ITPR2: variants seen among roughly 807,000 people sequenced by gnomAD.
The protein encoded by ITPR2 is inositol 1,4,5-trisphosphate receptor type 2, also known as inositol 1,4,5-trisphosphate-gated calcium channel ITPR2.
ITPR2 carries 207 observed loss-of-function variants against 317.1 expected under a neutral mutation model. The ratio of observed to expected loss-of-function variants is 0.65; its 90% confidence interval spans 0.58 to 0.73. The LOEUF (loss-of-function observed/expected upper bound fraction) is 0.73. Ranked by LOEUF, ITPR2 falls within the 30% of genes least tolerant of loss-of-function variation. The pLI is 0.00. For synonymous variants in ITPR2, 1,156 were observed against 1,149.1 expected, an observed-to-expected ratio of 1.01 and a Z score of -0.12; for missense variants, 2,613 against 3,284.0, an observed-to-expected ratio of 0.80 and a Z score of 4.99.
intron 45 of ITPR2, among the ~76,000 whole-genome samples, chr12:26,450,643 G>A (rs1048970519): frequency 6.6e-6 from 1 of 152,132 alleles, no homozygotes; most frequent in African/African-American, 2.4e-5. Context: ...TTTAGAAGAA[G>A]ATCAGCTTCA....
chr12:26,483,911 G>T lies in ITPR2; in HGVS notation c.5812-13C>A. 1 of 1,610,462 alleles carries T rather than the reference G, an allele frequency of 6.2e-7. No homozygotes were observed. Among genetic ancestry groups the T allele is most frequent in the Middle Eastern group, 1.7e-4 (1 of 6,042 alleles). On this transcript the variant is annotated splice_polypyrimidine_tract_variant and intron_variant, in intron 41 of 56. Transcript: ENST00000381340. The stretch of plus-strand genomic sequence containing the variant: ...TCCTCAAGAAGTTCTGAAGGCAAAA[G>T]AAAATAAAATTGAAGGGTTACAAAA...
intron 37 of ITPR2, among the ~76,000 whole-genome samples, chr12:26,501,886 A>G (rs1014473423): frequency 2.0e-5 from 3 of 152,256 alleles, no homozygotes; most frequent in African/African-American, 7.2e-5. Flanking sequence ...GTTTTCCAAT[A>G]TAAATAATCC....
At chr12:26,716,331 A>G in intron 5 of ITPR2, 89 bp from the exon 6 acceptor site, 1 of 749,744 alleles carries the variant, frequency 1.3e-6, no homozygotes, top group Non-Finnish European at 2.3e-6. Context: ...AGGAGTCCCC[A>G]TTATTGATCT....
intron 1 of ITPR2, among the ~76,000 whole-genome samples, chr12:26,824,032 A>G (rs990359640): frequency 1.3e-5 from 2 of 152,224 alleles, no homozygotes; most frequent in African/African-American, 2.4e-5. Flanking sequence ...GTAACATCCC[A>G]ATAAACCCAT....
chr12:26,525,917 C>T (rs1943799565), intron 37 of ITPR2, among the ~76,000 whole-genome samples: 1 of 152,178 alleles, frequency 6.6e-6, no homozygotes, highest in South Asian at 2.1e-4. Flanking sequence ...ACCCTAAGCC[C>T]CAACCTCCAA....
chr12:26,570,517 A>G (rs1945132131), intron 34 of ITPR2, among the ~76,000 whole-genome samples: 1 of 152,194 alleles, frequency 6.6e-6, no homozygotes, highest in Admixed American at 6.6e-5. Flanking sequence ...TTCTCTTCTG[A>G]AAGAGTTAAT....
intron 43 of ITPR2, among the ~76,000 whole-genome samples, chr12:26,478,716 G>C (rs1208738318): frequency 2.0e-5 from 3 of 152,060 alleles, no homozygotes; most frequent in African/African-American, 7.2e-5. Flanking sequence ...TAGTGCAGGA[G>C]TTTCTTCTTA....
At chr12:26,480,951 A>G (rs2136834043) in intron 43 of ITPR2, among the ~76,000 whole-genome samples, 180 bp downstream of exon 43, 1 of 152,380 alleles carries the variant, frequency 6.6e-6, no homozygotes, top group East Asian at 1.9e-4. Context: ...CTTGCCATGG[A>G]ATATTACCTC....
chr12:26,655,632 A>C (rs921105003), intron 20 of ITPR2, 76 bp downstream of exon 20: 1 of 1,185,776 alleles, frequency 8.4e-7, no homozygotes, highest in Non-Finnish European at 1.2e-6. Flanking sequence ...AAAAAAAAAA[A>C]GCAGAGAAAA....
intron 53 of ITPR2, among the ~76,000 whole-genome samples, chr12:26,399,390 A>C (rs2136648611): frequency 6.6e-6 from 1 of 152,354 alleles, no homozygotes; most frequent in East Asian, 1.9e-4. Flanking sequence ...CAATTCCAAA[A>C]GTCAGTGATT....
intron 26 of ITPR2, among the ~76,000 whole-genome samples, chr12:26,608,050 G>A (rs1737409703): frequency 1.3e-5 from 2 of 152,200 alleles, no homozygotes; most frequent in African/African-American, 4.8e-5. Context: ...GAATCCGGGA[G>A]GTGGAGCTTG....
At chr12:26,401,368 A>G (rs1225234304) in intron 52 of ITPR2, among the ~76,000 whole-genome samples, 2 of 152,214 alleles carry the variant, frequency 1.3e-5, no homozygotes, top group Non-Finnish European at 1.5e-5. Flanking sequence ...TCGAGGACCA[A>G]CCTGGAGCTC....
chr12:26,424,322 GAT>G (rs1342369649), intron 49 of ITPR2, among the ~76,000 whole-genome samples: 30 of 152,116 alleles, frequency 2.0e-4, no homozygotes, highest in African/African-American at 6.3e-4. Context: ...GTAGAACTCT[GAT>G]GGTCATTAAG....
chr12:26,689,108 C>T (rs1398442679), intron 10 of ITPR2, among the ~76,000 whole-genome samples: 1 of 152,044 alleles, frequency 6.6e-6, no homozygotes, highest in Non-Finnish European at 1.5e-5. Flanking sequence ...TATACCTTAA[C>T]TATATACAGT....
intron 1 of ITPR2, among the ~76,000 whole-genome samples, chr12:26,811,424 C>T (rs1352348125): frequency 1.3e-5 from 2 of 151,654 alleles, no homozygotes; most frequent in Non-Finnish European, 3.0e-5. Context: ...TCCTGGCTAA[C>T]GCGGTGAAAC....
At chr12:26,737,101 G>C (rs1949134527) in intron 2 of ITPR2, among the ~76,000 whole-genome samples, 1 of 151,960 alleles carries the variant, frequency 6.6e-6, no homozygotes, top group African/African-American at 2.4e-5. Context: ...GCCAGCAATT[G>C]GAAAAAATCC....
At chr12:26,417,572 T>G (rs1190324763) in intron 50 of ITPR2, among the ~76,000 whole-genome samples, 2 of 152,288 alleles carry the variant, frequency 1.3e-5, no homozygotes, top group South Asian at 2.1e-4. Context: ...CTCTCTCTTC[T>G]GCCACCATGT....
intron 49 of ITPR2, chr12:26,419,414 A>T: frequency 2.0e-6 from 1 of 507,722 alleles, no homozygotes; most frequent in Non-Finnish European, 3.4e-6. Flanking sequence ...GTAGGTCTTC[A>T]GCATTGCTTA....
chr12:26,704,226 T>A (rs1340276698), intron 9 of ITPR2, among the ~76,000 whole-genome samples: 1 of 152,206 alleles, frequency 6.6e-6, no homozygotes, highest in Non-Finnish European at 1.5e-5. Flanking sequence ...TTTAGAAAAA[T>A]TTATCTAAAG....
Sources: gnomAD v4.1 joint callset for allele counts (sites outside exome capture counted in the v4.1 genomes callset) on GRCh38, gnomAD v4.1.1 for gene constraint, MANE v1.5 for transcripts, NCBI Gene and HGNC (gene_info 2026-07-23, HGNC 2026-07-21) for gene names.